FHIT: variants seen among roughly 807,000 people sequenced by gnomAD.
FHIT encodes fragile histidine triad diadenosine triphosphatase, also known as bis(5'-adenosyl)-triphosphatase.
FHIT carries 19 observed loss-of-function variants against 17.9 expected under a neutral mutation model. That is an observed-to-expected ratio of 1.06 (90% CI 0.74 to 1.56). The LOEUF (loss-of-function observed/expected upper bound fraction) is 1.56. Among genes scored for constraint, FHIT ranks in the 40% most tolerant of loss-of-function variants. The pLI is 0.00. For missense variants in FHIT, 248 were observed against 189.2 expected, an observed-to-expected ratio of 1.31 and a Z score of -1.82; for synonymous variants, 81 against 69.7, an observed-to-expected ratio of 1.16 and a Z score of -0.81.
chr3:60,560,986 T>C (rs1040312077), intron 4 of FHIT, among the ~76,000 whole-genome samples: 13 of 152,026 alleles, frequency 8.6e-5, no homozygotes, highest in Non-Finnish European at 1.5e-4. Flanking sequence ...CATCCCCATA[T>C]ACACAGCAGT....
rs576584786 is a variant in FHIT at position 61,007,461 on chromosome 3, C to T, written c.-111+34586G>A. Among the ~76,000 whole-genome samples, 5 of 152,294 alleles carry T rather than the reference C, an allele frequency of 3.3e-5. No individual in the cohort carries two copies. In the East Asian group the frequency reaches 9.7e-4, roughly 29 times the overall value. On this transcript the variant is annotated intron_variant, in intron 3 of 9. Transcript: ENST00000492590. ...GTAAGAAGTTTCATATTCTTTTTCT[C>T]AGGTGAATACCTATTTGAGAACTAC...
chr3:61,113,666 T>C (rs1351491003), intron 2 of FHIT, among the ~76,000 whole-genome samples: 1 of 152,178 alleles, frequency 6.6e-6, no homozygotes, highest in African/African-American at 2.4e-5. Flanking sequence ...TTATTTGACA[T>C]CTCTCTTGAA....
At chr3:60,995,641 C>A (rs978610397) in intron 3 of FHIT, among the ~76,000 whole-genome samples, 1 of 152,172 alleles carries the variant, frequency 6.6e-6, no homozygotes, top group Non-Finnish European at 1.5e-5. Flanking sequence ...ACAGGAGACA[C>A]GTGACATAAA....
chr3:60,867,735 T>C (rs937603575), intron 3 of FHIT, among the ~76,000 whole-genome samples: 4 of 152,176 alleles, frequency 2.6e-5, no homozygotes, highest in Non-Finnish European at 5.9e-5. Flanking sequence ...CCCCCAAAAG[T>C]TCACATGCTC....
chr3:60,477,624 A>G (rs2033412205), intron 5 of FHIT, among the ~76,000 whole-genome samples: 1 of 152,222 alleles, frequency 6.6e-6, no homozygotes, highest in Non-Finnish European at 1.5e-5. Flanking sequence ...ATAATCACAT[A>G]TTATTTTTCT....
chr3:61,146,534 T>C (rs888919641), intron 2 of FHIT, among the ~76,000 whole-genome samples: 4 of 152,080 alleles, frequency 2.6e-5, no homozygotes, highest in Admixed American at 6.5e-5. Context: ...GTTTTATGCA[T>C]ACGTAATTCT....
At chr3:60,465,561 T>C (rs1296798414) in intron 5 of FHIT, among the ~76,000 whole-genome samples, 1 of 152,258 alleles carries the variant, frequency 6.6e-6, no homozygotes, top group East Asian at 1.9e-4. Context: ...TGATTTGATT[T>C]TTGTATATGG....
chr3:61,148,078 C>T (rs1401311657), intron 2 of FHIT, among the ~76,000 whole-genome samples: 2 of 150,668 alleles, frequency 1.3e-5, no homozygotes. Context: ...TATGCCCAGA[C>T]AAAAGACTGG....
chr3:60,885,704 T>C (rs6795855), intron 3 of FHIT, among the ~76,000 whole-genome samples: 38,874 of 152,084 alleles, frequency 0.26, 5,735 homozygotes, highest in African/African-American at 0.39. Context: ...TGATACATCA[T>C]GAGCTTATTA....
chr3:60,983,242 C>T (rs1710570432), intron 3 of FHIT, among the ~76,000 whole-genome samples: 1 of 151,672 alleles, frequency 6.6e-6, no homozygotes. Context: ...CTTACATAAT[C>T]CTAATTTATT....
At chr3:60,424,297 G>A (rs1234449359) in intron 5 of FHIT, among the ~76,000 whole-genome samples, 2 of 152,072 alleles carry the variant, frequency 1.3e-5, no homozygotes, top group African/African-American at 2.4e-5. Flanking sequence ...AGAGCAGTCT[G>A]GGGAAAATAC....
intron 5 of FHIT, among the ~76,000 whole-genome samples, chr3:60,504,292 G>A (rs2034639409): frequency 6.6e-6 from 1 of 152,004 alleles, no homozygotes; most frequent in Admixed American, 6.5e-5. Flanking sequence ...AAATTAGCTG[G>A]GCATGGTGGC....
chr3:59,971,751 C>T (rs759491509), intron 7 of FHIT, among the ~76,000 whole-genome samples: 1 of 152,098 alleles, frequency 6.6e-6, no homozygotes, highest in Non-Finnish European at 1.5e-5. Flanking sequence ...CATTGTATGA[C>T]CTTGGGCAAG....
intron 2 of FHIT, among the ~76,000 whole-genome samples, chr3:61,110,243 C>T (rs574508284): frequency 6.6e-6 from 1 of 152,304 alleles, no homozygotes; most frequent in South Asian, 2.1e-4. Context: ...CACAGGCCTC[C>T]ATGCTTTCCT....
At chr3:60,655,001 A>T (rs1411948674) in intron 4 of FHIT, among the ~76,000 whole-genome samples, 7 of 152,190 alleles carry the variant, frequency 4.6e-5, no homozygotes, top group Non-Finnish European at 1.0e-4. Flanking sequence ...CAATCAGGGG[A>T]GGTATAAATA....
At chr3:60,192,790 T>C (rs1181059855) in intron 5 of FHIT, among the ~76,000 whole-genome samples, 1 of 152,224 alleles carries the variant, frequency 6.6e-6, no homozygotes, top group Non-Finnish European at 1.5e-5. Context: ...AACTGATAAC[T>C]ACAGGCTGCG....
intron 8 of FHIT, among the ~76,000 whole-genome samples, chr3:59,846,144 GCCT>G (rs1313900431): frequency 6.6e-6 from 1 of 151,978 alleles, no homozygotes; most frequent in Non-Finnish European, 1.5e-5. Context: ...TTTTCTATAT[GCCT>G]TATAGGTTTA....
At chr3:60,111,681 A>C (rs557245540) in intron 5 of FHIT, among the ~76,000 whole-genome samples, 3 of 152,224 alleles carry the variant, frequency 2.0e-5, no homozygotes, top group Non-Finnish European at 4.4e-5. Flanking sequence ...ATTGATTTAC[A>C]AAGAAGCTGA....
intron 5 of FHIT, among the ~76,000 whole-genome samples, chr3:60,045,997 C>G (rs1701638409): frequency 6.6e-6 from 1 of 152,230 alleles, no homozygotes; most frequent in South Asian, 2.1e-4. Flanking sequence ...CAATCAAAGC[C>G]TATGCCCTTC....
Sources: gnomAD v4.1 joint callset for allele counts (sites outside exome capture counted in the v4.1 genomes callset) on GRCh38, gnomAD v4.1.1 for gene constraint, MANE v1.5 for transcripts, NCBI Gene and HGNC (gene_info 2026-07-23, HGNC 2026-07-21) for gene names.